The following PLB1 variants were observed in gnomAD, a reference collection of about 807,000 sequenced individuals.
The protein encoded by PLB1 is phospholipase B1, also known as phospholipase B1, membrane-associated.
A neutral mutation model predicts 227.4 loss-of-function variants in PLB1; 242 were observed. The ratio of observed to expected loss-of-function variants is 1.06; its 90% CI spans 0.96 to 1.18. The LOEUF (loss-of-function observed/expected upper bound fraction) is 1.18, where lower values mean the gene tolerates loss of function less well. Among genes scored for constraint, PLB1 ranks in the 50% most tolerant of loss-of-function variants. The pLI, the probability that PLB1 is intolerant of heterozygous loss-of-function variation, is 0.00. For missense variants in PLB1, 1,858 were observed against 1,816.3 expected (o/e 1.02, Z -0.42); for synonymous variants, 757 against 682.2 (o/e 1.11, Z -1.71).
At chr2:28,603,454 C>T (rs950300956) in intron 39 of PLB1, among the ~76,000 whole-genome samples, 1 of 152,024 alleles carries the variant, frequency 6.6e-6, no homozygotes, top group Non-Finnish European at 1.5e-5. Flanking sequence ...TTCCTGTGTA[C>T]CAGGCATTGT....
intron 6 of PLB1, among the ~76,000 whole-genome samples, chr2:28,526,374 T>C (rs558660122): frequency 6.6e-6 from 1 of 152,112 alleles, no homozygotes; most frequent in Non-Finnish European, 1.5e-5. Context: ...CCTGTAATAT[T>C]GCCCTTGCTT....
intron 49 of PLB1, 74 bp from the exon 50 acceptor site, chr2:28,624,983 T>A (rs1687541507): frequency 3.5e-6 from 5 of 1,421,106 alleles, no homozygotes; most frequent in Non-Finnish European, 5.0e-6. Context: ...CCTCTCTTCC[T>A]AGGCCAAAAT....
chr2:28,639,409 G>T (rs754962662), intron 56 of PLB1, among the ~76,000 whole-genome samples: 1 of 152,166 alleles, frequency 6.6e-6, no homozygotes, highest in East Asian at 1.9e-4. Flanking sequence ...TCCATCCAGC[G>T]ATGGAGACTG....
chr2:28,542,794 C>T (rs549148611), intron 13 of PLB1, among the ~76,000 whole-genome samples: 3 of 152,354 alleles, frequency 2.0e-5, no homozygotes, highest in African/African-American at 7.2e-5. Flanking sequence ...TCCCTCCAGG[C>T]TCCTGCCTGT....
intron 9 of PLB1, among the ~76,000 whole-genome samples, chr2:28,533,129 C>A (rs960977292): frequency 6.6e-6 from 1 of 152,092 alleles, no homozygotes; most frequent in Non-Finnish European, 1.5e-5. Flanking sequence ...CTTTTCTGTG[C>A]CCCTCTCCTA....
intron 50 of PLB1, among the ~76,000 whole-genome samples, chr2:28,625,658 A>G (rs938450676): frequency 6.6e-6 from 1 of 152,076 alleles, no homozygotes; most frequent in Non-Finnish European, 1.5e-5. Flanking sequence ...CTCTTCCTCC[A>G]GTCTCCTTCC....
chr2:28,586,106 A>G (rs574668580), intron 26 of PLB1, among the ~76,000 whole-genome samples: 2 of 152,326 alleles, frequency 1.3e-5, no homozygotes, highest in African/African-American at 4.8e-5. Flanking sequence ...CCACTTGTCC[A>G]TGGGCAAACA....
At position 28,643,074 on chromosome 2, in the gene PLB1, G is replaced by T; in HGVS notation, c.*13G>T. ...TGTGGCCCTCTAGGCCCGGGGGTGG[G>T]TCCTCACCCTAAACTCCCTATAGCC... On this transcript the variant is annotated 3_prime_UTR_variant, in exon 58 of 58. Transcript: ENST00000327757. 6.3e-7 allele frequency: 1 copy of T among 1,581,288 alleles called. No individual in the cohort carries two copies. The highest frequency in any genetic ancestry group is 8.6e-7 in the Non-Finnish European group (1 of 1,163,042).
intron 1 of PLB1, among the ~76,000 whole-genome samples, chr2:28,509,035 T>C (rs1667941943): frequency 6.6e-6 from 1 of 152,122 alleles, no homozygotes; most frequent in Non-Finnish European, 1.5e-5. Context: ...CATAACGACC[T>C]CATGAAGAAG....
chr2:28,552,853 T>C (rs1674463314), intron 16 of PLB1, 75 bp from the exon 17 acceptor site: 43 of 1,224,016 alleles, frequency 3.5e-5, no homozygotes, highest in South Asian at 1.2e-4. Context: ...TTTTCCAAAA[T>C]AGAGGCCCCA....
At chr2:28,610,883 C>T (rs1000976878) in intron 43 of PLB1, among the ~76,000 whole-genome samples, 18 of 140,228 alleles carry the variant, frequency 1.3e-4, no homozygotes, top group Non-Finnish European at 2.1e-4. Flanking sequence ...GCCATTCAGT[C>T]GGCCCCCCTT....
chr2:28,538,890 A>G (rs547980693), intron 10 of PLB1, among the ~76,000 whole-genome samples: 18 of 152,164 alleles, frequency 1.2e-4, no homozygotes, highest in South Asian at 6.2e-4. Flanking sequence ...TGAGGGACAG[A>G]GAGTCCTGTT....
intron 17 of PLB1, among the ~76,000 whole-genome samples, chr2:28,555,745 A>G (rs1027289847): frequency 1.4e-4 from 21 of 152,186 alleles, no homozygotes; most frequent in African/African-American, 4.8e-4. Context: ...AACAATCCCT[A>G]GGATTGAAAA....
Position 28,643,879 on chromosome 2 carries a change from TAG to T in PLB1, c.*825_*826del, listed in dbSNP as rs1246758509. 2 of 152,216 alleles carry T rather than the reference TAG, an allele frequency of 1.3e-5. No homozygotes were observed. The highest frequency in any genetic ancestry group is 4.8e-5 in the African/African-American group (2 of 41,462). The allele number at this position is 152,216 out of a possible 1,614,324, so 9.4% of individuals were successfully genotyped here. On this transcript the variant is annotated 3_prime_UTR_variant, in exon 58 of 58. Transcript: ENST00000327757. ...TATGCCCAGGTTTCTGAGGGAAAAC[TAG>T]AGAGAGTCTGAAAATATGGGCTGCA...
intron 35 of PLB1, among the ~76,000 whole-genome samples, 165 bp downstream of exon 35, chr2:28,598,925 G>A (rs572277905): frequency 3.3e-4 from 50 of 152,328 alleles, no homozygotes; most frequent in Admixed American, 2.5e-3. Context: ...GTTGTAATAG[G>A]CCAGAGAGGC....
At chr2:28,627,037 A>G (rs1359975581) in intron 51 of PLB1, among the ~76,000 whole-genome samples, 1 of 152,150 alleles carries the variant, frequency 6.6e-6, no homozygotes, top group Non-Finnish European at 1.5e-5. Flanking sequence ...TTTGGAATAC[A>G]TCTTGTTCTA....
rs769983882 is a variant in PLB1 at position 28,541,792 on chromosome 2, C to A, written c.860C>A (p.Thr287Asn). ...TVVFQPFFYE[T>N]TPSLHSEDPR... ...GTTTTCCAGCCTTTCTTCTATGAGA[C>A]CACCCCATCTCTACACTCGGTAAGT... Residue 287 changes from threonine (T) to asparagine (N), a missense_variant, in exon 13 of 58, where the codon ACC (threonine) becomes AAC (asparagine). Coordinates refer to ENST00000327757, the MANE Select transcript of PLB1 (RefSeq NM_153021.5). 6 of 1,611,746 alleles carry A rather than the reference C, an allele frequency of 3.7e-6. No homozygotes were observed. The African/African-American group carries it at 6.7e-5, about 18-fold the overall frequency.
At chr2:28,597,769 C>T (rs1683201092) in intron 33 of PLB1, among the ~76,000 whole-genome samples, 1 of 152,182 alleles carries the variant, frequency 6.6e-6, no homozygotes, top group Non-Finnish European at 1.5e-5. Context: ...ATTCTCCCTC[C>T]TGATCTGGTA....
At chr2:28,631,947 C>G (rs1181095357) in intron 54 of PLB1, 89 bp from the exon 55 acceptor site, 43 of 1,080,608 alleles carry the variant, frequency 4.0e-5, no homozygotes, top group Non-Finnish European at 4.3e-6. Context: ...GAGTTGACTC[C>G]CGTCAACAAC....
Sources: allele counts gnomAD v4.1 joint callset (sites outside exome capture counted in the v4.1 genomes callset), GRCh38; gene constraint gnomAD v4.1.1; transcripts MANE v1.5; gene names NCBI Gene and HGNC (gene_info 2026-07-23, HGNC 2026-07-21).